Variants in ROBO1 observed in about 807,000 individuals in gnomAD.
ROBO1 encodes the protein roundabout homolog 1.
A neutral mutation model predicts 195.9 loss-of-function variants in ROBO1; 149 were observed. That is an observed-to-expected ratio of 0.76 (90% confidence interval 0.67 to 0.87). The LOEUF is 0.87. Among genes scored for constraint, ROBO1 ranks in the 40% least tolerant of loss-of-function variants. The pLI, the probability that ROBO1 is intolerant of heterozygous loss-of-function variation, is 0.00. For missense variants in ROBO1, 1,933 were observed against 2,068.3 expected (o/e 0.93, Z 1.27); for synonymous variants, 816 against 733.2 (o/e 1.11, Z -1.82).
chr3:78,714,259 A>C (rs2081841315), intron 8 of ROBO1, 138 bp downstream of exon 8: 1 of 805,624 alleles, frequency 1.2e-6, no homozygotes, highest in Admixed American at 3.8e-5. Context: ...TGTTCTTTAA[A>C]TATGTTTGAA....
At position 78,819,160 on chromosome 3, in the gene ROBO1, C is replaced by A. The variant is rs182088015; in HGVS notation, c.500-72260G>T. On this transcript the variant is annotated intron_variant, in intron 4 of 30. Transcript: ENST00000464233. ...TTGTAATATATTCTGGATGCTAATCCTTTGTCACAGATGTTGTGAACATCT... is the reference window on the plus strand; with the variant it reads ...TTGTAATATATTCTGGATGCTAATCATTTGTCACAGATGTTGTGAACATCT... Among the ~76,000 whole-genome samples the A allele has an allele frequency of 4.6e-5, 7 of 152,152 alleles. No individual in the cohort carries two copies. The East Asian group carries it at 1.4e-3, about 29-fold the overall frequency.
chr3:78,649,514 G>A (rs1466584099), intron 19 of ROBO1, among the ~76,000 whole-genome samples: 1 of 152,124 alleles, frequency 6.6e-6, no homozygotes, highest in Non-Finnish European at 1.5e-5. Flanking sequence ...CTGTTCCCCT[G>A]AAGTTACACT....
intron 3 of ROBO1, among the ~76,000 whole-genome samples, chr3:79,079,767 AAAAAT>A (rs2108458459): frequency 6.6e-6 from 1 of 151,966 alleles, no homozygotes; most frequent in African/African-American, 2.4e-5. Context: ...GGGTGAGAAA[AAAAAT>A]AAAATAAAAA....
At chr3:79,087,866 A>G (rs902569870) in intron 3 of ROBO1, among the ~76,000 whole-genome samples, 3 of 152,138 alleles carry the variant, frequency 2.0e-5, no homozygotes, top group Non-Finnish European at 4.4e-5. Context: ...AAGTGCTGAT[A>G]TACTGCTGAA....
chr3:78,921,923 A>T (rs930972670), intron 4 of ROBO1, among the ~76,000 whole-genome samples: 25 of 152,038 alleles, frequency 1.6e-4, no homozygotes, highest in African/African-American at 5.8e-4. Context: ...AGTAGCTGGA[A>T]CTACTGGCGT....
At chr3:78,857,660 C>A (rs531240432) in intron 4 of ROBO1, among the ~76,000 whole-genome samples, 2 of 152,110 alleles carry the variant, frequency 1.3e-5, no homozygotes, top group Non-Finnish European at 2.9e-5. Flanking sequence ...AAACTCTGGA[C>A]GTGGCCAGAA....
chr3:79,003,557 G>A (rs1418675829), intron 3 of ROBO1, among the ~76,000 whole-genome samples: 3 of 151,938 alleles, frequency 2.0e-5, no homozygotes, highest in African/African-American at 7.3e-5. Context: ...ACCCCATCAA[G>A]TAGATACTCA....
At chr3:79,019,238 T>A in intron 3 of ROBO1, 1 of 985,802 alleles carries the variant, frequency 1.0e-6, no homozygotes, top group Non-Finnish European at 1.2e-6. Context: ...CAGGCACCCC[T>A]AAACTACGCA....
intron 2 of ROBO1, among the ~76,000 whole-genome samples, chr3:79,331,397 A>G (rs1425245654): frequency 6.6e-6 from 1 of 152,242 alleles, no homozygotes; most frequent in Non-Finnish European, 1.5e-5. Flanking sequence ...ACTCTGAAAA[A>G]TAATTAAGAT....
rs749520016 is a variant in ROBO1 at position 79,009,107 on chromosome 3, ATTT to A, written c.173-70183_173-70181del. ...AGGTGCCCACCACAACGCCCAGCTA[ATTT>A]TTTTTTTTTTTTTTTTTTTTTTTAG... On this transcript the variant is annotated intron_variant, in intron 3 of 30. Transcript: ENST00000464233. Among the ~76,000 whole-genome samples, 782 of 115,346 alleles carry A rather than the reference ATTT, an allele frequency of 6.8e-3. 6 individuals carry two copies. Among genetic ancestry groups the A allele is most frequent in the African/African-American group, 0.026 (739 of 28,162 alleles). The allele number at this position is 115,346 out of a possible 152,430, so 75.7% of individuals were successfully genotyped here.
rs183326549 is a variant in ROBO1 at position 79,301,052 on chromosome 3, C to T, written c.89-175513G>A. Among the ~76,000 whole-genome samples, 698 of 152,264 alleles carry T rather than the reference C, an allele frequency of 4.6e-3. 5 individuals carry two copies. The highest frequency in any genetic ancestry group is 0.016 in the African/African-American group (651 of 41,562). ...TGCCCGAGCCAGCAGTGGCAACCCT[C>T]TCGGGTCACCTTCCACGCTGTGGAA... On this transcript the variant is annotated intron_variant, in intron 2 of 30. Coordinates refer to ENST00000464233, the MANE Select transcript of ROBO1 (RefSeq NM_002941.4).
intron 2 of ROBO1, among the ~76,000 whole-genome samples, chr3:79,127,279 G>A (rs2080234395): frequency 6.6e-6 from 1 of 152,178 alleles, no homozygotes; most frequent in Non-Finnish European, 1.5e-5. Context: ...TGTTCACAAT[G>A]TTCTGTCACA....
intron 2 of ROBO1, among the ~76,000 whole-genome samples, chr3:79,191,141 T>A (rs1337414757): frequency 1.3e-5 from 2 of 151,632 alleles, no homozygotes; most frequent in Non-Finnish European, 3.0e-5. Flanking sequence ...CAAGTCATCT[T>A]ATTTTACTTA....
intron 1 of ROBO1, among the ~76,000 whole-genome samples, chr3:79,764,766 T>G (rs1053852467): frequency 2.0e-5 from 3 of 152,238 alleles, no homozygotes; most frequent in East Asian, 1.9e-4. Context: ...CTCTGGTCAA[T>G]GTTATTTTGT....
At chr3:79,272,643 T>C (rs1000062007) in intron 2 of ROBO1, among the ~76,000 whole-genome samples, 2 of 152,052 alleles carry the variant, frequency 1.3e-5, no homozygotes, top group African/African-American at 4.8e-5. Context: ...AACTTTGCAT[T>C]GGAATGCAGT....
At chr3:79,496,042 G>A (rs554152338) in intron 2 of ROBO1, among the ~76,000 whole-genome samples, 3 of 151,684 alleles carry the variant, frequency 2.0e-5, no homozygotes, top group African/African-American at 4.8e-5. Context: ...GTGAAACCCC[G>A]TCTCTACTAA....
chr3:79,563,565 AG>A (rs1420488213), intron 2 of ROBO1, among the ~76,000 whole-genome samples: 56 of 152,246 alleles, frequency 3.7e-4, no homozygotes, highest in African/African-American at 1.3e-3. Flanking sequence ...AAACAGCCAT[AG>A]TCTTTATTAA....
chr3:79,604,461 A>T (rs1439640733), intron 1 of ROBO1, among the ~76,000 whole-genome samples: 2 of 152,084 alleles, frequency 1.3e-5, no homozygotes, highest in Non-Finnish European at 2.9e-5. Flanking sequence ...TCAGAGAAAG[A>T]GTAGGCACTT....
At chr3:79,555,558 C>T (rs1010371601) in intron 2 of ROBO1, among the ~76,000 whole-genome samples, 1 of 152,064 alleles carries the variant, frequency 6.6e-6, no homozygotes, top group Non-Finnish European at 1.5e-5. Context: ...CATAAATTAA[C>T]TTCCAAAACT....
Sources: gnomAD v4.1 joint callset for allele counts (sites outside exome capture counted in the v4.1 genomes callset) on GRCh38, gnomAD v4.1.1 for gene constraint, MANE v1.5 for transcripts, NCBI Gene and HGNC (gene_info 2026-07-23, HGNC 2026-07-21) for gene names.